The following TOPAZ1 variants were observed in gnomAD, a reference collection of about 807,000 sequenced individuals.
TOPAZ1 encodes the protein protein TOPAZ1.
In TOPAZ1, 66 loss-of-function variants were observed where a neutral mutation model predicts 172.2. The ratio of observed to expected loss-of-function variants is 0.38; its 90% CI spans 0.31 to 0.47. TOPAZ1 has a LOEUF of 0.47. Among genes scored for constraint, TOPAZ1 ranks in the 20% least tolerant of loss-of-function variants. The probability of loss-of-function intolerance (pLI) is 0.99; values close to 1 mark genes in which losing one functional copy is unlikely to be tolerated. For synonymous variants in TOPAZ1, 681 were observed against 683.9 expected, an observed-to-expected ratio of 1.00 and a Z score of 0.07; for missense variants, 1,822 against 1,972.4, an observed-to-expected ratio of 0.92 and a Z score of 1.44.
chr3:44,297,009 T>C (rs1171945763), intron 12 of TOPAZ1, among the ~76,000 whole-genome samples: 1 of 151,428 alleles, frequency 6.6e-6, no homozygotes, highest in East Asian at 1.9e-4. Context: ...CCGTCTCTAC[T>C]AAAAATACAA....
chr3:44,305,020 C>A, intron 13 of TOPAZ1, 127 bp from the exon 14 acceptor site: 1 of 637,126 alleles, frequency 1.6e-6, no homozygotes, highest in Non-Finnish European at 2.6e-6. Context: ...ATAAGATGTG[C>A]AGATTTTGTC....
intron 8 of TOPAZ1, among the ~76,000 whole-genome samples, chr3:44,271,873 G>A (rs1055103048): frequency 6.6e-6 from 1 of 152,004 alleles, no homozygotes; most frequent in African/African-American, 2.4e-5. Flanking sequence ...TTTAATTGAG[G>A]TTTTGTACTA....
In TOPAZ1 at chr3:44,243,308, C is replaced by T; in HGVS notation, c.802C>T (p.Leu268Phe). 1 of 1,551,470 alleles carries T rather than the reference C, an allele frequency of 6.4e-7. No individual in the cohort carries two copies. The highest frequency in any genetic ancestry group is 8.7e-7 in the Non-Finnish European group (1 of 1,146,936). ...NFSKKENLRS[L>F]AEKSDTNSIP... ...CTCAAAGAAAGAAAACCTTAGGAGT[C>T]TTGCAGAGAAGAGTGACACAAATAG... Residue 268 changes from leucine (L) to phenylalanine (F), a missense_variant, in exon 2 of 20, where the codon CTT (leucine) becomes TTT (phenylalanine). By Grantham distance (22) the Leu-to-Phe change is conservative. Coordinates refer to ENST00000309765, the MANE Select transcript of TOPAZ1 (RefSeq NM_001145030.2).
intron 18 of TOPAZ1, 71 bp downstream of exon 18, chr3:44,323,366 A>C: frequency 4.5e-6 from 4 of 897,048 alleles, no homozygotes; most frequent in Non-Finnish European, 6.5e-6. Context: ...TTTATAATAT[A>C]TAAGATTAGA....
chr3:44,332,628 C>G (rs1280892075), downstream of TOPAZ1, among the ~76,000 whole-genome samples: 1 of 151,848 alleles, frequency 6.6e-6, no homozygotes, highest in Non-Finnish European at 1.5e-5. Flanking sequence ...TTCTTCCTTC[C>G]AAACCAATTT....
At chr3:44,313,698 A>G (rs940040196) in intron 16 of TOPAZ1, among the ~76,000 whole-genome samples, 5 of 151,928 alleles carry the variant, frequency 3.3e-5, no homozygotes, top group Admixed American at 3.3e-4. Flanking sequence ...CTATACAAAC[A>G]TGTCCTTTTA....
Position 44,244,357 on chromosome 3 carries a change from A to C in TOPAZ1, c.1851A>C (p.Gln617His). 6.4e-7 allele frequency: 1 copy of C among 1,550,942 alleles called. No individual in the cohort carries two copies. The highest frequency in any genetic ancestry group is 1.4e-5 in the African/African-American group (1 of 73,060). Residue 617 changes from glutamine to histidine, a missense_variant, in exon 2 of 20, where the codon CAA becomes CAC. Around this residue, in one of 2 missense-constraint regions of TOPAZ1, gnomAD observed 1,489 missense variants for 1,490.8 expected, o/e 1.00. Coordinates refer to ENST00000309765, the MANE Select transcript of TOPAZ1 (RefSeq NM_001145030.2). The stretch of plus-strand genomic sequence containing the variant: ...TTTCTAACACTACTGAAGATACTCA[A>C]TTAACCAGTGAGACTCAAAGCTTAA... ...EVISNTTEDT[Q>H]LTSETQSLTG...
chr3:44,245,026 A>G lies in TOPAZ1; in HGVS notation c.2520A>G (p.Lys840=), dbSNP rs1699546090. Residue 840 remains lysine (K), a synonymous_variant, in exon 2 of 20, where the codon AAA becomes AAG. Transcript: ENST00000309765. ...RPVSSEVRGR[K]ITKNFSEVGF... ...TGTCCAGTGAAGTTAGGGGTAGAAA[A>G]ATAACTAAGAATTTTTCAGAGGTAG... 1 of 1,551,696 alleles carries G rather than the reference A, an allele frequency of 6.4e-7. No homozygotes were observed. The highest frequency in any genetic ancestry group is 8.7e-7 in the Non-Finnish European group (1 of 1,146,996).
chr3:44,303,066 C>T (rs1700293743), intron 12 of TOPAZ1, among the ~76,000 whole-genome samples: 1 of 152,168 alleles, frequency 6.6e-6, no homozygotes, highest in African/African-American at 2.4e-5. Flanking sequence ...CTCCTGAGCT[C>T]AATGGATCTG....
In TOPAZ1 at chr3:44,244,165, A is replaced by G; in HGVS notation, c.1659A>G (p.Thr553=). Reference sequence around the variant, plus strand: ...AATTATTATTACAAAGTTCCTTAACAGAAACAAACACTGAATCTTCAAGTA... The same window carrying G: ...AATTATTATTACAAAGTTCCTTAACGGAAACAAACACTGAATCTTCAAGTA... ...DSKLLLQSSL[T]ETNTESSSKE... The change falls in exon 2 of 20, where the codon ACA becomes ACG. Residue 553 remains threonine (T), a synonymous_variant. Coordinates refer to ENST00000309765, the MANE Select transcript of TOPAZ1 (RefSeq NM_001145030.2). 1 of 1,551,250 alleles carries G rather than the reference A, an allele frequency of 6.4e-7. No homozygotes were observed. The highest frequency in any genetic ancestry group is 8.7e-7 in the Non-Finnish European group (1 of 1,146,738).
At chr3:44,315,277 C>T (rs1325510475) in intron 16 of TOPAZ1, among the ~76,000 whole-genome samples, 7 of 151,912 alleles carry the variant, frequency 4.6e-5, no homozygotes, top group Admixed American at 3.3e-4. Context: ...TGTGGACCAG[C>T]GCCTGTGACT....
intron 8 of TOPAZ1, among the ~76,000 whole-genome samples, 172 bp downstream of exon 8, chr3:44,270,982 G>A (rs748874649): frequency 3.9e-5 from 6 of 152,044 alleles, no homozygotes; most frequent in East Asian, 1.9e-4. Context: ...TCTTTTGCTC[G>A]ATATTTTTGA....
intron 6 of TOPAZ1, among the ~76,000 whole-genome samples, chr3:44,268,699 A>C (rs1699859854): frequency 6.6e-6 from 1 of 151,992 alleles, no homozygotes; most frequent in Non-Finnish European, 1.5e-5. Flanking sequence ...TATTCATATA[A>C]GGACATTAAT....
chr3:44,332,103 G>C, downstream of TOPAZ1: 1 of 869,248 alleles, frequency 1.2e-6, no homozygotes, highest in Non-Finnish European at 1.7e-6. Flanking sequence ...ACTATATTCA[G>C]CTCTTTGACT....
At position 44,245,177 on chromosome 3, in the gene TOPAZ1, A is replaced by G; in HGVS notation, c.2671A>G (p.Ile891Val). 1.9e-6 allele frequency: 3 copies of G among 1,551,958 alleles called. No homozygotes were observed. The highest frequency in any genetic ancestry group is 2.6e-6 in the Non-Finnish European group (3 of 1,147,060). Residue 891 changes from isoleucine (I) to valine (V), a missense_variant, in exon 2 of 20, where the codon ATA becomes GTA. Ile to Val is a conservative substitution (Grantham distance 29). Around this residue, in one of 2 missense-constraint regions of TOPAZ1, gnomAD observed 1,489 missense variants for 1,490.8 expected, o/e 1.00. Transcript: ENST00000309765. The part of the protein sequence containing the change: ...ELSFTSEVPK[I>V]SQEPNVAGEH... ...CTCATTTACTTCTGAGGTCCCAAAGATAAGCCAGGAGCCCAATGTTGCTGG... is the reference window on the plus strand; with the variant it reads ...CTCATTTACTTCTGAGGTCCCAAAGGTAAGCCAGGAGCCCAATGTTGCTGG...
At chr3:44,258,258 A>G (rs1215016168) in intron 4 of TOPAZ1, among the ~76,000 whole-genome samples, 1 of 152,242 alleles carries the variant, frequency 6.6e-6, no homozygotes, top group Non-Finnish European at 1.5e-5. Flanking sequence ...ATTCACGTGC[A>G]GTTATAAGAA....
At position 44,321,166 on chromosome 3, in the gene TOPAZ1, T is replaced by C; in HGVS notation, c.4446T>C (p.Asn1482=). 1.3e-6 allele frequency: 2 copies of C among 1,543,690 alleles called. No homozygotes were observed. Among genetic ancestry groups the C allele is most frequent in the African/African-American group, 1.4e-5 (1 of 72,594 alleles). ...LYRQTFEVLQ[N]LPGFQNSQET... is the part of the protein sequence containing the mutation. The stretch of plus-strand genomic sequence containing the variant: ...GACAGACATTTGAAGTTTTGCAGAA[T>C]CTACCAGGTTTTCAAAATTCCCAAG... Residue 1482 remains asparagine, a synonymous_variant, in exon 17 of 20, where the codon AAT becomes AAC. Transcript: ENST00000309765.
At chr3:44,296,193 G>C (rs980306843) in intron 12 of TOPAZ1, among the ~76,000 whole-genome samples, 4 of 152,114 alleles carry the variant, frequency 2.6e-5, no homozygotes, top group Non-Finnish European at 5.9e-5. Flanking sequence ...GTCACAACTT[G>C]GGGATGCAGT....
chr3:44,331,708 C>T (rs1700671850), intron 19 of TOPAZ1, 84 bp from the exon 20 acceptor site: 2 of 1,044,650 alleles, frequency 1.9e-6, no homozygotes, highest in Non-Finnish European at 2.8e-6. Flanking sequence ...TAGCTTAGTA[C>T]CAGTAAATGT....
Sources: allele counts gnomAD v4.1 joint callset (sites outside exome capture counted in the v4.1 genomes callset), GRCh38; gene constraint gnomAD v4.1.1; regional missense constraint gnomAD v4.1.1; transcripts MANE v1.5; gene names NCBI Gene and HGNC (gene_info 2026-07-23, HGNC 2026-07-21).